The following TRIM25 variants were observed in gnomAD, a reference collection of about 807,000 sequenced individuals.
TRIM25 encodes E3 ubiquitin/ISG15 ligase TRIM25.
In TRIM25, 45 loss-of-function variants were observed where a neutral mutation model predicts 65.2. The ratio of observed to expected loss-of-function variants is 0.69; its 90% CI spans 0.54 to 0.89. The LOEUF is 0.89. Ranked by LOEUF, TRIM25 falls within the 40% of genes least tolerant of loss-of-function variation. The pLI, the probability that TRIM25 is intolerant of heterozygous loss-of-function variation, is 0.00. For synonymous variants in TRIM25, 321 were observed against 340.4 expected, an observed-to-expected ratio of 0.94 and a Z score of 0.63; for missense variants, 714 against 803.7, an observed-to-expected ratio of 0.89 and a Z score of 1.35.
Position 56,890,124 on chromosome 17 carries a change from G to T in TRIM25, c.*1576C>A, listed in dbSNP as rs190523848. ...CATATGAAAAGGTCTGGGGTCTCTA[G>T]TTCCCCAATGGTGACTTCTTTTCAT... On this transcript the variant is annotated 3_prime_UTR_variant, in exon 9 of 9. Transcript: ENST00000316881. 2.2e-3 allele frequency: 771 copies of T among 344,430 alleles called. 9 individuals carry two copies. The highest frequency in any genetic ancestry group is 9.8e-4 in the Non-Finnish European group (188 of 191,018). The allele number at this position is 344,430 out of a possible 1,614,324, so 21.3% of individuals were successfully genotyped here.
intron 4 of TRIM25, 73 bp from the exon 5 acceptor site, chr17:56,899,253 C>T (rs945513867): frequency 3.4e-5 from 52 of 1,531,688 alleles, no homozygotes; most frequent in South Asian, 3.2e-4. Flanking sequence ...TGCCATGGGT[C>T]GGTGGGCAGG....
At chr17:56,895,881 C>T (rs376020365) in intron 6 of TRIM25, 45 bp downstream of exon 6, 9 of 1,606,856 alleles carry the variant, frequency 5.6e-6, no homozygotes, top group Admixed American at 3.4e-5. Context: ...GTTCTGTGCT[C>T]GGGCAGTCTC....
chr17:56,901,614 G>A, intron 3 of TRIM25, 36 bp from the exon 4 acceptor site: 2 of 1,611,712 alleles, frequency 1.2e-6, no homozygotes, highest in South Asian at 1.1e-5. Flanking sequence ...AGGCAGCTCT[G>A]GTGAAACGGG....
chr17:56,909,961 G>A (rs1909595386), intron 1 of TRIM25, among the ~76,000 whole-genome samples: 1 of 152,098 alleles, frequency 6.6e-6, no homozygotes, highest in Admixed American at 6.6e-5. Context: ...CTGTTCTAGT[G>A]CTTTACCTGT....
Position 56,913,989 on chromosome 17 carries a change from G to A in TRIM25, c.-1C>T. On this transcript the variant is annotated 5_prime_UTR_variant, in exon 1 of 9. Transcript: ENST00000316881. This position sits in a 1 kb window ranked among gnomAD's most constrained non-coding sequence, Gnocchi z 6.1. ...CGGCCAGGGGGCACAGCTCTGCCAT[G>A]GCGCTCCCAGGGGTCGGGACACAAC... 1.9e-6 allele frequency: 3 copies of A among 1,546,186 alleles called. No homozygotes were observed. Among genetic ancestry groups the A allele is most frequent in the Non-Finnish European group, 2.6e-6 (3 of 1,143,690 alleles).
chr17:56,907,427 A>C (rs1429594463), intron 2 of TRIM25, among the ~76,000 whole-genome samples: 1 of 152,220 alleles, frequency 6.6e-6, no homozygotes, highest in East Asian at 1.9e-4. Flanking sequence ...ATCTGTCAAC[A>C]TGACCAAAGC....
Position 56,896,668 on chromosome 17 carries a change from CA to C in TRIM25, c.1154-717del, listed in dbSNP as rs11369332. ...TCAGCAACAAAATGAGACCCTGTCTCAAAAAAAAAAAAAAATGCTTGCCAAG... is the reference window on the plus strand; with the variant it reads ...TCAGCAACAAAATGAGACCCTGTCTCAAAAAAAAAAAAAATGCTTGCCAAG... On this transcript the variant is annotated intron_variant, in intron 5 of 8. Transcript: ENST00000316881. Among the ~76,000 whole-genome samples the C allele has an allele frequency of 4.7e-3, 609 of 128,226 alleles. 2 individuals are homozygous for C. The highest frequency in any genetic ancestry group is 9.5e-3 in the African/African-American group (304 of 32,048). 84.1% of individuals were successfully genotyped at this position (128,226 alleles called of 152,430 possible).
intron 4 of TRIM25, among the ~76,000 whole-genome samples, chr17:56,899,640 G>T (rs540621445): frequency 6.6e-6 from 1 of 152,278 alleles, no homozygotes. Flanking sequence ...CTTCCACAAT[G>T]GGGCTGCACC....
At chr17:56,906,691 C>T (rs550022315) in intron 2 of TRIM25, among the ~76,000 whole-genome samples, 4 of 152,238 alleles carry the variant, frequency 2.6e-5, no homozygotes, top group East Asian at 1.9e-4. Flanking sequence ...GATGGGGTTT[C>T]GCCATGTTGG....
At position 56,913,334 on chromosome 17, in the gene TRIM25, C is replaced by T; in HGVS notation, c.597+58G>A. 6.8e-7 allele frequency: 1 copy of T among 1,460,354 alleles called. No individual in the cohort carries two copies. Among genetic ancestry groups the T allele is most frequent in the South Asian group, 1.4e-5 (1 of 70,884 alleles). 90.5% of individuals were successfully genotyped at this position (1,460,354 alleles called of 1,614,324 possible). A position where few individuals can be genotyped will look rare whatever the true frequency, so the allele number is the denominator to read the frequency against. On this transcript the variant is annotated intron_variant, in intron 1 of 8. Transcript: ENST00000316881. The surrounding 1 kb of genome is among the most constrained non-coding windows in gnomAD (Gnocchi z 6.1). ...GTGTGGCAGAGAGGCCCCCGGTGGCCCCTCTGCACCACCCATCAGGCCAGG... is the reference window on the plus strand; with the variant it reads ...GTGTGGCAGAGAGGCCCCCGGTGGCTCCTCTGCACCACCCATCAGGCCAGG...
chr17:56,900,449 C>T (rs928498424), intron 4 of TRIM25, among the ~76,000 whole-genome samples: 5 of 152,060 alleles, frequency 3.3e-5, no homozygotes, highest in Non-Finnish European at 7.4e-5. Flanking sequence ...GGGAGATATA[C>T]GGGGATCCCA....
intron 3 of TRIM25, among the ~76,000 whole-genome samples, chr17:56,902,315 C>A (rs926004294): frequency 2.6e-5 from 4 of 152,190 alleles, no homozygotes; most frequent in African/African-American, 9.7e-5. Context: ...GTCACTCAAT[C>A]AATGGGGCAC....
intron 3 of TRIM25, among the ~76,000 whole-genome samples, chr17:56,902,657 G>A (rs923661463): frequency 6.6e-6 from 1 of 152,302 alleles, no homozygotes; most frequent in South Asian, 2.1e-4. Flanking sequence ...GCACAGGCGG[G>A]GCCCAGTCAC....
At chr17:56,902,463 A>G (rs765830010) in intron 3 of TRIM25, among the ~76,000 whole-genome samples, 2 of 152,244 alleles carry the variant, frequency 1.3e-5, no homozygotes, top group Non-Finnish European at 2.9e-5. Context: ...ATGTTACTGT[A>G]GAAACAGTGT....
chr17:56,909,161 C>T (rs555026509), intron 1 of TRIM25, among the ~76,000 whole-genome samples: 1 of 151,936 alleles, frequency 6.6e-6, no homozygotes, highest in Non-Finnish European at 1.5e-5. Flanking sequence ...GCGGGGAGAT[C>T]TGCTAAAAGA....
chr17:56,896,070 T>C, intron 5 of TRIM25, 118 bp from the exon 6 acceptor site: 2 of 1,160,682 alleles, frequency 1.7e-6, no homozygotes, highest in Non-Finnish European at 2.4e-6. Context: ...TGTTTTAATT[T>C]GAAAAACAGA....
At chr17:56,892,540 T>C (rs765593771) in intron 8 of TRIM25, among the ~76,000 whole-genome samples, 1 of 152,210 alleles carries the variant, frequency 6.6e-6, no homozygotes, top group Non-Finnish European at 1.5e-5. Flanking sequence ...TATCCATCCT[T>C]CTGCCTTTCC....
chr17:56,900,482 T>C (rs759657509), intron 4 of TRIM25, among the ~76,000 whole-genome samples: 2 of 152,118 alleles, frequency 1.3e-5, no homozygotes, highest in Non-Finnish European at 1.5e-5. Flanking sequence ...ATACTACCCA[T>C]GCAAGAGTCC....
Position 56,890,014 on chromosome 17 carries a change from T to A in TRIM25, c.*1686A>T. 1 of 402,378 alleles carries A rather than the reference T, an allele frequency of 2.5e-6. No individual in the cohort carries two copies. Among genetic ancestry groups the A allele is most frequent in the Admixed American group, 4.0e-5 (1 of 24,918 alleles). 24.9% of individuals were successfully genotyped at this position (402,378 alleles called of 1,614,324 possible). On this transcript the variant is annotated 3_prime_UTR_variant, in exon 9 of 9. Coordinates refer to ENST00000316881, the MANE Select transcript of TRIM25 (RefSeq NM_005082.5). ...TACCTGCATGTCAGGTGTGTAGCTG[T>A]CAGGAATATCAAGTGTTCTGAGCCT...
Sources: gnomAD v4.1 joint callset for allele counts (sites outside exome capture counted in the v4.1 genomes callset) on GRCh38, gnomAD v4.1.1 for gene constraint, Gnocchi (gnomAD v3.1) non-coding constraint, MANE v1.5 for transcripts, NCBI Gene and HGNC (gene_info 2026-07-23, HGNC 2026-07-21) for gene names.